TTC28: variants seen among roughly 807,000 people sequenced by gnomAD.
TTC28 encodes the protein tetratricopeptide repeat protein 28.
TTC28 carries 61 observed loss-of-function variants against 198.0 expected under a neutral mutation model. The ratio of observed to expected loss-of-function variants is 0.31; its 90% confidence interval spans 0.25 to 0.38. The LOEUF (loss-of-function observed/expected upper bound fraction) is 0.38. TTC28 is among the 10% of genes least tolerant of loss of function. TTC28 has a pLI of 1.00. For missense variants in TTC28, 2,678 were observed against 3,164.0 expected (o/e 0.85, Z 3.69); for synonymous variants, 1,171 against 1,297.8 (o/e 0.90, Z 2.10).
At chr22:28,346,254 T>C (rs1316161103) in intron 2 of TTC28, among the ~76,000 whole-genome samples, 1 of 152,202 alleles carries the variant, frequency 6.6e-6, no homozygotes, top group Non-Finnish European at 1.5e-5. Flanking sequence ...TGGTTCATAG[T>C]TCATCATTCT....
Position 28,536,390 on chromosome 22 carries a change from C to T in TTC28, c.381+93162G>A, listed in dbSNP as rs556886737. On this transcript the variant is annotated intron_variant, in intron 2 of 22. Transcript: ENST00000397906. ...CTGTAATCCCAGCACTTTGGGAGGC[C>T]GAGGCGGGCGGATCACGAGGTCAGG... 1.5e-4 allele frequency among the ~76,000 whole-genome samples: 22 copies of T among 151,580 alleles called. No individual in the cohort carries two copies. The East Asian group carries it at 1.8e-3, about 12-fold the overall frequency.
intron 13 of TTC28, among the ~76,000 whole-genome samples, chr22:28,018,306 C>CGCGCACGCGCGCGGG (rs1451764096): frequency 2.0e-5 from 1 of 49,192 alleles, no homozygotes; most frequent in African/African-American, 6.0e-5. Flanking sequence ...TGTGCGCGCG[C>CGCGCACGCGCGCGGG]GGGGGGGGGG....
chr22:28,374,586 A>G (rs1481928650), intron 2 of TTC28, among the ~76,000 whole-genome samples: 1 of 152,224 alleles, frequency 6.6e-6, no homozygotes, highest in Non-Finnish European at 1.5e-5. Flanking sequence ...TTTAGCCTTG[A>G]GTTCATTGCT....
At position 27,980,389 on chromosome 22, in the gene TTC28, C is replaced by T. The variant is rs1936970401; in HGVS notation, c.*1832G>A. 1 of 152,186 alleles carries T rather than the reference C, an allele frequency of 6.6e-6. No homozygotes were observed. Among genetic ancestry groups the T allele is most frequent in the Non-Finnish European group, 1.5e-5 (1 of 68,044 alleles). 9.4% of individuals were successfully genotyped at this position (152,186 alleles called of 1,614,324 possible). A position where few individuals can be genotyped will look rare whatever the true frequency, so the allele number is the denominator to read the frequency against. ...GGGATCAGGGCTAGAATAAGACATG[C>T]TTATTGTTGGCTTTTGTCAACATGG... On this transcript the variant is annotated 3_prime_UTR_variant, in exon 23 of 23. Coordinates refer to ENST00000397906, the MANE Select transcript of TTC28 (RefSeq NM_001145418.2).
intron 2 of TTC28, among the ~76,000 whole-genome samples, chr22:28,477,400 C>T (rs1341208191): frequency 6.6e-6 from 1 of 152,066 alleles, no homozygotes; most frequent in Non-Finnish European, 1.5e-5. Context: ...TAGCCTATAC[C>T]CTCCAAATTT....
chr22:27,978,752 A>T lies in TTC28; in HGVS notation c.*3469T>A, dbSNP rs1282003818. 2 of 152,248 alleles carry T rather than the reference A, an allele frequency of 1.3e-5. No homozygotes were observed. Among genetic ancestry groups the T allele is most frequent in the African/African-American group, 4.8e-5 (2 of 41,458 alleles). The allele number at this position is 152,248 out of a possible 1,614,324, so 9.4% of individuals were successfully genotyped here. ...TTTCTCTTGATATTTTGACTTAATT[A>T]AAAAAATCAAATTAGTTGAGTCATT... is the stretch of plus-strand genomic sequence containing the variant. On this transcript the variant is annotated 3_prime_UTR_variant, in exon 23 of 23. Transcript: ENST00000397906.
At chr22:28,484,077 GTTTT>G (rs1192273007) in intron 2 of TTC28, among the ~76,000 whole-genome samples, 1 of 151,920 alleles carries the variant, frequency 6.6e-6, no homozygotes, top group Non-Finnish European at 1.5e-5. Flanking sequence ...CACCCCCAAA[GTTTT>G]TTTTATTTTT....
chr22:28,448,622 T>G (rs182438254), intron 2 of TTC28, among the ~76,000 whole-genome samples: 27 of 152,324 alleles, frequency 1.8e-4, no homozygotes, highest in African/African-American at 6.5e-4. Context: ...ACCACAAAAA[T>G]GTTGCCTCAT....
chr22:28,161,310 C>T (rs922886051), intron 6 of TTC28, among the ~76,000 whole-genome samples: 5 of 152,154 alleles, frequency 3.3e-5, no homozygotes, highest in East Asian at 2.0e-4. Flanking sequence ...GAGGGAGGAT[C>T]GTTTGAGGCC....
At chr22:28,042,184 G>T (rs753384725) in intron 12 of TTC28, among the ~76,000 whole-genome samples, 13 of 152,100 alleles carry the variant, frequency 8.5e-5, no homozygotes, top group African/African-American at 1.9e-4. Flanking sequence ...ATTCCTCAAG[G>T]ATCTAGAACT....
intron 2 of TTC28, among the ~76,000 whole-genome samples, chr22:28,472,581 TG>T (rs2048111971): frequency 6.6e-6 from 1 of 151,858 alleles, no homozygotes; most frequent in Non-Finnish European, 1.5e-5. Context: ...TGTGTGTGTG[TG>T]TGTGTGTGTG....
chr22:28,348,053 T>C (rs888945437), intron 2 of TTC28, among the ~76,000 whole-genome samples: 2 of 152,254 alleles, frequency 1.3e-5, no homozygotes, highest in African/African-American at 4.8e-5. Flanking sequence ...GCCTGGCACA[T>C]GCCCTTCCTT....
intron 2 of TTC28, among the ~76,000 whole-genome samples, chr22:28,366,794 A>G (rs780195645): frequency 1.3e-5 from 2 of 152,078 alleles, no homozygotes; most frequent in Non-Finnish European, 2.9e-5. Context: ...CTACCCTTAT[A>G]TCAGACAAAA....
chr22:28,297,837 G>C lies in TTC28; in HGVS notation c.545C>G (p.Thr182Ser), dbSNP rs898635336. ...TTTCATTTTCTGAAGCTGCTGATAA[G>C]TGGGCTCGAGGGAGTCTGAAAATAA... is the stretch of plus-strand genomic sequence containing the variant. ...KSPMRDSLEP[T>S]YQQLQKMKLD... The change falls in exon 4 of 23, where the codon ACT (threonine) becomes AGT (serine). Residue 182 changes from threonine (T) to serine (S), a missense_variant. By Grantham distance (58) the Thr-to-Ser change is moderately conservative. Around this residue, in one of 8 missense-constraint regions of TTC28, gnomAD observed 176 missense variants for 197.9 expected, o/e 0.89. Transcript: ENST00000397906. 20 of 1,551,248 alleles carry C rather than the reference G, an allele frequency of 1.3e-5. No homozygotes were observed. The highest frequency in any genetic ancestry group is 3.4e-4 in the Middle Eastern group (2 of 5,870).
rs889803718 is a variant in TTC28, at chr22:28,107,917, G to A, written c.1928C>T (p.Ala643Val). ...EGKVCHNLGY[A>V]HYCLGNYQEA... is the part of the protein sequence containing the mutation. ...CTGATAGTTTCCAAGGCAGTAATGG[G>A]CATAGCCAAGATTGTGGCAGACCTT... Residue 643 changes from alanine (A) to valine (V), a missense_variant, in exon 7 of 23, where the codon GCC becomes GTC. Ala to Val is a moderately conservative substitution (Grantham distance 64). Transcript: ENST00000397906. The A allele has an allele frequency of 1.2e-5, 18 of 1,551,610 alleles. No homozygotes were observed. Among genetic ancestry groups the A allele is most frequent in the Middle Eastern group, 1.7e-4 (1 of 6,012 alleles).
intron 2 of TTC28, among the ~76,000 whole-genome samples, chr22:28,402,993 T>TATACA (rs1450630370): frequency 6.6e-6 from 1 of 152,250 alleles, no homozygotes; most frequent in African/African-American, 2.4e-5. Context: ...GCAAGAGGCC[T>TATACA]ATCTAACTTC....
At chr22:27,995,872 C>A (rs941648511) in intron 17 of TTC28, among the ~76,000 whole-genome samples, 7 of 152,218 alleles carry the variant, frequency 4.6e-5, no homozygotes, top group African/African-American at 1.7e-4. Context: ...ACCCCTCAGG[C>A]CAGCGGGCTC....
chr22:28,396,533 T>A (rs1052466275), intron 2 of TTC28, among the ~76,000 whole-genome samples: 2 of 151,770 alleles, frequency 1.3e-5, no homozygotes, highest in Admixed American at 1.3e-4. Flanking sequence ...TTCAGTGGAG[T>A]CTGGAGATTT....
At chr22:28,112,217 G>A (rs1013133782) in intron 6 of TTC28, among the ~76,000 whole-genome samples, 1 of 152,074 alleles carries the variant, frequency 6.6e-6, no homozygotes, top group Non-Finnish European at 1.5e-5. Context: ...ACTAAAACAT[G>A]GTATCTAAAC....
Sources: allele counts gnomAD v4.1 joint callset (sites outside exome capture counted in the v4.1 genomes callset), GRCh38; gene constraint gnomAD v4.1.1; regional missense constraint gnomAD v4.1.1; transcripts MANE v1.5; gene names NCBI Gene and HGNC (gene_info 2026-07-23, HGNC 2026-07-21).